SLC22A15: variants seen among roughly 807,000 people sequenced by gnomAD.
SLC22A15 encodes the protein solute carrier family 22 member 15.
SLC22A15 carries 45 observed loss-of-function variants against 62.7 expected under a neutral mutation model. That is an observed-to-expected ratio of 0.72 (90% CI 0.56 to 0.92). The LOEUF (loss-of-function observed/expected upper bound fraction) is 0.92. Ranked by LOEUF, SLC22A15 falls within the 40% of genes least tolerant of loss-of-function variation. The pLI, the probability that SLC22A15 is intolerant of heterozygous loss-of-function variation, is 0.00. For synonymous variants in SLC22A15, 264 were observed against 267.0 expected, an observed-to-expected ratio of 0.99 and a Z score of 0.11; for missense variants, 622 against 665.6, an observed-to-expected ratio of 0.93 and a Z score of 0.72.
chr1:115,993,548 G>A (rs1301015586), intron 2 of SLC22A15, among the ~76,000 whole-genome samples: 5 of 151,900 alleles, frequency 3.3e-5, no homozygotes, highest in Admixed American at 2.6e-4. Flanking sequence ...TGCTTTGGAT[G>A]AGGCATACTA....
chr1:116,055,907 A>G (rs1491000038), intron 8 of SLC22A15, among the ~76,000 whole-genome samples: 1 of 149,284 alleles, frequency 6.7e-6, no homozygotes, highest in African/African-American at 2.5e-5. Context: ...GACGTATCTC[A>G]AAATAATAAG....
intron 1 of SLC22A15, 82 bp downstream of exon 1, chr1:115,976,796 G>A: frequency 9.1e-7 from 1 of 1,101,682 alleles, no homozygotes; most frequent in South Asian, 1.3e-5. Context: ...CCAGACCGCC[G>A]GGGCCGGGGC....
At chr1:116,040,267 G>C (rs1657742895) in intron 8 of SLC22A15, among the ~76,000 whole-genome samples, 1 of 152,188 alleles carries the variant, frequency 6.6e-6, no homozygotes, top group Non-Finnish European at 1.5e-5. Context: ...GGTTGGCATT[G>C]AAGTAAATGT....
chr1:116,053,287 T>C (rs1219252689), intron 8 of SLC22A15, among the ~76,000 whole-genome samples: 2 of 152,072 alleles, frequency 1.3e-5, no homozygotes, highest in African/African-American at 4.8e-5. Flanking sequence ...TGTGATCAAC[T>C]GGAAGAAAGG....
In SLC22A15 at chr1:115,976,645, G is replaced by A; in HGVS notation, c.18G>A (p.Ala6=). Residue 6 remains alanine (A), a synonymous_variant, in exon 1 of 12, where the codon GCG becomes GCA. Transcript: ENST00000369503. The part of the protein sequence containing the change: MEVEE[A]FQAVGEMGIY... ...GGCCCGCCATGGAGGTGGAGGAGGC[G>A]TTCCAGGCGGTGGGGGAGATGGGCA... 1 of 1,585,462 alleles carries A rather than the reference G, an allele frequency of 6.3e-7. No individual in the cohort carries two copies. The highest frequency in any genetic ancestry group is 8.6e-7 in the Non-Finnish European group (1 of 1,168,324).
chr1:115,984,654 A>G (rs530574286), intron 1 of SLC22A15, among the ~76,000 whole-genome samples: 1 of 152,280 alleles, frequency 6.6e-6, no homozygotes, highest in South Asian at 2.1e-4. Context: ...CCTCAGGCAG[A>G]TTCTTCGGGA....
chr1:116,037,568 A>G, intron 8 of SLC22A15, 180 bp downstream of exon 8: 1 of 587,398 alleles, frequency 1.7e-6, no homozygotes, highest in Non-Finnish European at 3.1e-6. Flanking sequence ...CTGGGTGAAT[A>G]ATGTGTGTAG....
chr1:115,983,637 A>G (rs1330519109), intron 1 of SLC22A15, among the ~76,000 whole-genome samples: 1 of 152,182 alleles, frequency 6.6e-6, no homozygotes, highest in Non-Finnish European at 1.5e-5. Flanking sequence ...TATGATCTGG[A>G]GCCCATCAGA....
chr1:116,037,860 T>C (rs1267419177), intron 8 of SLC22A15, among the ~76,000 whole-genome samples: 1 of 152,232 alleles, frequency 6.6e-6, no homozygotes, highest in Non-Finnish European at 1.5e-5. Context: ...TGGTATTCAC[T>C]GTTGGTGACA....
At chr1:115,992,360 T>C (rs1044754814) in intron 2 of SLC22A15, 117 bp downstream of exon 2, 6 of 922,064 alleles carry the variant, frequency 6.5e-6, no homozygotes, top group Non-Finnish European at 9.8e-6. Flanking sequence ...TTCTAGTAAA[T>C]TTAAAAGTTA....
At chr1:115,989,111 ATG>A (rs10673173) in intron 1 of SLC22A15, among the ~76,000 whole-genome samples, 4,187 of 149,724 alleles carry the variant, frequency 0.028, 193 homozygotes, top group African/African-American at 0.098. Flanking sequence ...AGGGCCTTGG[ATG>A]TGTGTGTGTG....
At chr1:116,003,397 G>A (rs1252999307) in intron 2 of SLC22A15, among the ~76,000 whole-genome samples, 2 of 152,152 alleles carry the variant, frequency 1.3e-5, no homozygotes, top group African/African-American at 4.8e-5. Context: ...CCAGCACCAG[G>A]ACTTGCCCAG....
chr1:115,990,114 T>C (rs909912113), intron 1 of SLC22A15, among the ~76,000 whole-genome samples: 1 of 152,228 alleles, frequency 6.6e-6, no homozygotes, highest in African/African-American at 2.4e-5. Context: ...AGAGGACTTC[T>C]GGAGGGCTTG....
intron 2 of SLC22A15, among the ~76,000 whole-genome samples, chr1:116,002,059 G>A (rs1291444681): frequency 2.6e-5 from 4 of 152,190 alleles, no homozygotes; most frequent in Admixed American, 1.3e-4. Context: ...GCATGAGATA[G>A]CACCTCAAGC....
chr1:115,980,125 C>A (rs1654543208), intron 1 of SLC22A15, among the ~76,000 whole-genome samples: 1 of 152,004 alleles, frequency 6.6e-6, no homozygotes, highest in African/African-American at 2.4e-5. Context: ...CTGTAATAGT[C>A]AACACACGAA....
chr1:116,053,922 A>C (rs1658127944), intron 8 of SLC22A15, among the ~76,000 whole-genome samples: 3 of 151,952 alleles, frequency 2.0e-5, no homozygotes, highest in Non-Finnish European at 4.4e-5. Flanking sequence ...CATGGAAAGG[A>C]ACAACCGGTA....
chr1:115,993,606 A>G (rs1655266604), intron 2 of SLC22A15, among the ~76,000 whole-genome samples: 1 of 152,142 alleles, frequency 6.6e-6, no homozygotes, highest in Non-Finnish European at 1.5e-5. Context: ...GCCTTTTCTT[A>G]GGAGTCCTCC....
In SLC22A15 at chr1:116,045,496, T is replaced by A. The variant is rs1474720796; in HGVS notation, c.1171+8108T>A. On this transcript the variant is annotated intron_variant, in intron 8 of 11. Transcript: ENST00000369503. ...GCTCATGCATGTAATCCCAGCACTT[T>A]GGGAGGCTGAGGTGGGTGGGTCTCC... is the stretch of plus-strand genomic sequence containing the variant. 2.0e-5 allele frequency among the ~76,000 whole-genome samples: 3 copies of A among 151,420 alleles called. No homozygotes were observed. The East Asian group carries it at 5.9e-4, about 30-fold the overall frequency.
chr1:116,005,629 C>G lies in SLC22A15; in HGVS notation c.300+13386C>G, dbSNP rs1056616404. On this transcript the variant is annotated intron_variant, in intron 2 of 11. Transcript: ENST00000369503. ...TGAACACTGATTCCATGGTAGGTCA[C>G]TATAGGTAAACTCCAATTTTCCATA... Among the ~76,000 whole-genome samples, 4 of 152,284 alleles carry G rather than the reference C, an allele frequency of 2.6e-5. No homozygotes were observed. The South Asian group carries it at 8.3e-4, about 32-fold the overall frequency.
Sources: gnomAD v4.1 joint callset for allele counts (sites outside exome capture counted in the v4.1 genomes callset) on GRCh38, gnomAD v4.1.1 for gene constraint, MANE v1.5 for transcripts, NCBI Gene and HGNC (gene_info 2026-07-23, HGNC 2026-07-21) for gene names.